Variants in NRG3 observed in about 807,000 individuals in gnomAD.
NRG3 encodes pro-neuregulin-3, membrane-bound isoform.
A neutral mutation model predicts 66.9 loss-of-function variants in NRG3; 31 were observed. The ratio of observed to expected loss-of-function variants is 0.46; its 90% CI spans 0.35 to 0.63. NRG3 has a LOEUF of 0.63. NRG3 is among the 20% of genes least tolerant of loss of function. The pLI is 0.00. For synonymous variants in NRG3, 393 were observed against 359.4 expected, an observed-to-expected ratio of 1.09 and a Z score of -1.06; for missense variants, 910 against 878.9, an observed-to-expected ratio of 1.04 and a Z score of -0.45.
At chr10:82,329,890 T>A (rs11193757) in intron 1 of NRG3, among the ~76,000 whole-genome samples, 2,333 of 152,282 alleles carry the variant, frequency 0.015, 52 homozygotes, top group African/African-American at 0.051. Flanking sequence ...GGTCCTATGC[T>A]CCCTGAGCTG....
At chr10:82,430,040 TTTA>T (rs1217013503) in intron 2 of NRG3, among the ~76,000 whole-genome samples, 3 of 152,208 alleles carry the variant, frequency 2.0e-5, no homozygotes, top group Non-Finnish European at 4.4e-5. Flanking sequence ...TTGCTAATCC[TTTA>T]TTAATAATCT....
At chr10:82,517,153 G>A (rs1845738900) in intron 2 of NRG3, among the ~76,000 whole-genome samples, 1 of 151,846 alleles carries the variant, frequency 6.6e-6, no homozygotes, top group South Asian at 2.1e-4. Flanking sequence ...AACAGAATAT[G>A]GGAGTGATTT....
intron 5 of NRG3, among the ~76,000 whole-genome samples, chr10:82,952,397 C>T (rs1009468380): frequency 1.2e-4 from 18 of 147,368 alleles, no homozygotes; most frequent in African/African-American, 4.5e-4. Context: ...CACACTGCTA[C>T]ACTGCAGCCT....
chr10:82,928,292 T>G (rs1347875054), intron 4 of NRG3, among the ~76,000 whole-genome samples: 1 of 152,208 alleles, frequency 6.6e-6, no homozygotes, highest in Non-Finnish European at 1.5e-5. Context: ...ATAGGTTGCC[T>G]GTTCACTCTG....
intron 1 of NRG3, among the ~76,000 whole-genome samples, chr10:81,997,306 CTG>C (rs1284174886): frequency 2.6e-5 from 4 of 152,222 alleles, no homozygotes; most frequent in Non-Finnish European, 5.9e-5. Context: ...TGAGTTATGA[CTG>C]TGGGATTTCT....
intron 1 of NRG3, among the ~76,000 whole-genome samples, chr10:81,914,407 G>A (rs1008274569): frequency 6.6e-6 from 1 of 151,912 alleles, no homozygotes; most frequent in Non-Finnish European, 1.5e-5. Context: ...CATCTGATGG[G>A]TACATTTCAA....
intron 2 of NRG3, among the ~76,000 whole-genome samples, chr10:82,500,674 AAC>A (rs1260488658): frequency 6.6e-6 from 1 of 152,186 alleles, no homozygotes; most frequent in Non-Finnish European, 1.5e-5. Context: ...GTCTGTTCTA[AAC>A]AGTGACTATG....
chr10:82,704,850 C>G (rs1233691872), intron 2 of NRG3, among the ~76,000 whole-genome samples: 2 of 152,110 alleles, frequency 1.3e-5, no homozygotes, highest in African/African-American at 4.8e-5. Flanking sequence ...AGAATTAATT[C>G]AACTCATAAT....
chr10:82,146,089 T>A (rs772408532), intron 1 of NRG3, among the ~76,000 whole-genome samples: 2 of 152,196 alleles, frequency 1.3e-5, no homozygotes, highest in Non-Finnish European at 2.9e-5. Flanking sequence ...TATCAAGCTG[T>A]TTATGACAGC....
chr10:82,786,763 G>A (rs1215632568), intron 3 of NRG3, among the ~76,000 whole-genome samples: 2 of 152,124 alleles, frequency 1.3e-5, no homozygotes, highest in African/African-American at 2.4e-5. Context: ...TTGAGAAAGG[G>A]GACCTTTAAA....
At chr10:82,780,950 G>C (rs546366040) in intron 3 of NRG3, among the ~76,000 whole-genome samples, 13 of 152,106 alleles carry the variant, frequency 8.5e-5, no homozygotes, top group Non-Finnish European at 1.9e-4. Flanking sequence ...TAGTTTCCAG[G>C]CACTTCCCTT....
chr10:82,347,033 A>G (rs377493725), intron 1 of NRG3, among the ~76,000 whole-genome samples: 1 of 151,630 alleles, frequency 6.6e-6, no homozygotes, highest in African/African-American at 2.4e-5. Context: ...GGATTCATTA[A>G]TTTTTTGAAG....
intron 1 of NRG3, among the ~76,000 whole-genome samples, chr10:81,897,703 T>C (rs1325869290): frequency 6.6e-6 from 1 of 152,032 alleles, no homozygotes; most frequent in Admixed American, 6.6e-5. Context: ...GGTAATTGGA[T>C]ATTGTGTGGA....
chr10:82,814,590 G>A (rs556239792), intron 3 of NRG3, among the ~76,000 whole-genome samples: 6 of 152,200 alleles, frequency 3.9e-5, no homozygotes, highest in African/African-American at 1.2e-4. Flanking sequence ...TAGAAAGGCC[G>A]ACAGCTACTT....
intron 1 of NRG3, among the ~76,000 whole-genome samples, chr10:82,127,405 T>C (rs1267864908): frequency 6.6e-6 from 1 of 152,084 alleles, no homozygotes; most frequent in Non-Finnish European, 1.5e-5. Context: ...AAGTGGAGCA[T>C]GACTTATGTT....
At chr10:82,887,081 A>T (rs1234424926) in intron 4 of NRG3, among the ~76,000 whole-genome samples, 3 of 152,200 alleles carry the variant, frequency 2.0e-5, no homozygotes, top group Non-Finnish European at 2.9e-5. Context: ...GATGCAGTGT[A>T]GCAAGAGTGG....
chr10:82,915,082 T>A (rs967456389), intron 4 of NRG3, among the ~76,000 whole-genome samples: 2 of 152,208 alleles, frequency 1.3e-5, no homozygotes, highest in Non-Finnish European at 2.9e-5. Flanking sequence ...CCTGCAGAAG[T>A]TTTTATATTT....
intron 1 of NRG3, among the ~76,000 whole-genome samples, chr10:82,069,379 A>C (rs905017869): frequency 3.9e-5 from 6 of 152,196 alleles, no homozygotes; most frequent in African/African-American, 1.4e-4. Context: ...TGGTTTCTAG[A>C]CCAGGAAGTT....
chr10:82,045,703 CT>C (rs1215638299), intron 1 of NRG3, among the ~76,000 whole-genome samples: 1 of 67,056 alleles, frequency 1.5e-5, no homozygotes, highest in Non-Finnish European at 3.4e-5. Context: ...GGTTTTAGGT[CT>C]AATGTTTAAG....
Sources: allele counts gnomAD v4.1 joint callset (sites outside exome capture counted in the v4.1 genomes callset), GRCh38; gene constraint gnomAD v4.1.1; transcripts MANE v1.5; gene names NCBI Gene and HGNC (gene_info 2026-07-23, HGNC 2026-07-21).